Variants in CDC42BPA observed in about 807,000 individuals in gnomAD.
The protein encoded by CDC42BPA is serine/threonine-protein kinase MRCK alpha.
In CDC42BPA, 80 loss-of-function variants were observed where a neutral mutation model predicts 223.5. The observed-to-expected ratio is 0.36, with a 90% CI of 0.30 to 0.43. CDC42BPA has a LOEUF of 0.43. CDC42BPA is among the 20% of genes least tolerant of loss of function. The pLI is 1.00. For missense variants in CDC42BPA, 1,743 were observed against 2,099.9 expected, an observed-to-expected ratio of 0.83 and a Z score of 3.32; for synonymous variants, 694 against 718.6, an observed-to-expected ratio of 0.97 and a Z score of 0.55.
chr1:227,182,695 A>G (rs1668134271), intron 5 of CDC42BPA, among the ~76,000 whole-genome samples: 1 of 152,176 alleles, frequency 6.6e-6, no homozygotes, highest in African/African-American at 2.4e-5. Context: ...AAGGATGCCT[A>G]ATTGGCTGGT....
At chr1:227,118,706 G>A (rs888839256) in intron 12 of CDC42BPA, among the ~76,000 whole-genome samples, 1 of 151,930 alleles carries the variant, frequency 6.6e-6, no homozygotes, top group Non-Finnish European at 1.5e-5. Context: ...GCATAACGCC[G>A]ATTATGTTAA....
At chr1:227,217,447 C>G (rs1203938392) in intron 2 of CDC42BPA, among the ~76,000 whole-genome samples, 6 of 136,224 alleles carry the variant, frequency 4.4e-5, no homozygotes, top group East Asian at 2.1e-4. Context: ...GACTCTGTCT[C>G]AAAAAAAAAA....
intron 5 of CDC42BPA, among the ~76,000 whole-genome samples, chr1:227,185,469 T>G (rs1438031528): frequency 1.3e-5 from 2 of 152,140 alleles, no homozygotes; most frequent in African/African-American, 4.8e-5. Flanking sequence ...TGCCCCGCAT[T>G]TGCATATTAA....
chr1:227,226,306 C>T (rs544449259), intron 2 of CDC42BPA, among the ~76,000 whole-genome samples: 1 of 152,276 alleles, frequency 6.6e-6, no homozygotes, highest in South Asian at 2.1e-4. Flanking sequence ...TGGAAATCTC[C>T]AGTTTGGCTC....
intron 1 of CDC42BPA, among the ~76,000 whole-genome samples, chr1:227,261,124 C>CTTTGTTTTTTTTTTTTTT (rs386417862): frequency 8.3e-6 from 1 of 121,002 alleles, no homozygotes; most frequent in South Asian, 2.8e-4. Context: ...TTGAGTTTTT[C>CTTTGTTTTTTTTTTTTTT]TTTTTTTTTG....
chr1:227,284,583 A>C (rs954666605), intron 1 of CDC42BPA, among the ~76,000 whole-genome samples: 1 of 152,172 alleles, frequency 6.6e-6, no homozygotes, highest in African/African-American at 2.4e-5. Flanking sequence ...AGAAATACTA[A>C]GTTGGTCCCT....
At chr1:227,130,581 G>A (rs989727403) in intron 10 of CDC42BPA, among the ~76,000 whole-genome samples, 4 of 145,516 alleles carry the variant, frequency 2.7e-5, no homozygotes, top group Non-Finnish European at 4.6e-5. Flanking sequence ...AGGTGTAGGT[G>A]CGGTGGCTCA....
intron 6 of CDC42BPA, among the ~76,000 whole-genome samples, chr1:227,156,704 T>C (rs1048973826): frequency 6.6e-6 from 1 of 152,168 alleles, no homozygotes; most frequent in Non-Finnish European, 1.5e-5. Context: ...ATTCTGGAAT[T>C]TGCATTTCGA....
At chr1:227,293,827 A>G (rs578026417) in intron 1 of CDC42BPA, among the ~76,000 whole-genome samples, 1 of 152,042 alleles carries the variant, frequency 6.6e-6, no homozygotes, top group Non-Finnish European at 1.5e-5. Flanking sequence ...AACAAAATCT[A>G]TTTCACATTT....
chr1:227,105,356 CTTTTTTTT>C (rs35065841), intron 14 of CDC42BPA, among the ~76,000 whole-genome samples: 67 of 91,668 alleles, frequency 7.3e-4, no homozygotes, highest in African/African-American at 2.6e-3. Flanking sequence ...TGCCTATTCT[CTTTTTTTT>C]TTTTTTTTTT....
rs1694572865 is a variant in CDC42BPA at position 227,317,379 on chromosome 1, A to G, written c.-197T>C. ...AACTGAAGCGTCTTCAATTTCACCC[A>G]TATACATATATTTTGAGGGTAAATT... On this transcript the variant is annotated 5_prime_UTR_variant, in exon 1 of 37. It removes an upstream start codon present in the reference 5' UTR. Coordinates refer to ENST00000366766, the MANE Select transcript of CDC42BPA (RefSeq NM_001394014.1). 2.0e-6 allele frequency: 1 copy of G among 496,760 alleles called. No homozygotes were observed. The highest frequency in any genetic ancestry group is 2.0e-5 in the African/African-American group (1 of 51,134). 30.8% of individuals were successfully genotyped at this position (496,760 alleles called of 1,614,324 possible).
chr1:227,005,626 G>A (rs946596321), intron 34 of CDC42BPA, among the ~76,000 whole-genome samples: 1 of 152,172 alleles, frequency 6.6e-6, no homozygotes, highest in Non-Finnish European at 1.5e-5. Flanking sequence ...CACACCAATA[G>A]TAGTACTGGG....
At chr1:227,274,887 T>C (rs907414192) in intron 1 of CDC42BPA, among the ~76,000 whole-genome samples, 8 of 152,208 alleles carry the variant, frequency 5.3e-5, no homozygotes, top group African/African-American at 1.9e-4. Context: ...CTACACTTTA[T>C]ATACCTAACT....
At chr1:227,033,014 T>C (rs1389838224) in intron 27 of CDC42BPA, among the ~76,000 whole-genome samples, 1 of 152,188 alleles carries the variant, frequency 6.6e-6, no homozygotes, top group African/African-American at 2.4e-5. Context: ...CATTTTTATT[T>C]TTTTAAAAAC....
intron 16 of CDC42BPA, among the ~76,000 whole-genome samples, chr1:227,087,255 A>G (rs1682155021): frequency 6.6e-6 from 1 of 152,162 alleles, no homozygotes; most frequent in African/African-American, 2.4e-5. Context: ...TAAGGATCCA[A>G]GTTCATTTTT....
chr1:227,173,653 T>A (rs1666473203), intron 5 of CDC42BPA, among the ~76,000 whole-genome samples: 1 of 152,124 alleles, frequency 6.6e-6, no homozygotes, highest in African/African-American at 2.4e-5. Context: ...CTATCATATA[T>A]GTATGCTGGG....
chr1:227,045,064 CT>C (rs1333762372), intron 23 of CDC42BPA, among the ~76,000 whole-genome samples: 3 of 152,196 alleles, frequency 2.0e-5, no homozygotes, highest in Non-Finnish European at 4.4e-5. Flanking sequence ...CTATTCCAGT[CT>C]TTCTCTTAAC....
Position 227,213,204 on chromosome 1 carries a change from GT to G in CDC42BPA, c.285del (p.Lys95AsnfsTer2). 6.5e-7 allele frequency: 1 copy of G among 1,527,998 alleles called. No homozygotes were observed. The highest frequency in any genetic ancestry group is 9.0e-7 in the Non-Finnish European group (1 of 1,113,538). The allele number at this position is 1,527,998 out of a possible 1,614,324, so 94.7% of individuals were successfully genotyped here. A position where few individuals can be genotyped will look rare whatever the true frequency, so the allele number is the denominator to read the frequency against. On this transcript the variant is annotated frameshift_variant, in exon 3 of 37. Coordinates refer to ENST00000366766, the MANE Select transcript of CDC42BPA (RefSeq NM_001394014.1). LOFTEE classifies it high-confidence loss of function. ...RGAFGEVAVV[K>X]LKNADKVFAM... is the part of the protein sequence containing the mutation. ...GCAAACACTTTATCTGCATTTTTTA[GT>G]TTTACTACAGCAACCTAGAAAAGAT... is the stretch of plus-strand genomic sequence containing the variant.
chr1:227,253,592 T>C (rs1006764761), intron 2 of CDC42BPA, among the ~76,000 whole-genome samples: 1 of 122,506 alleles, frequency 8.2e-6, no homozygotes, highest in Non-Finnish European at 1.7e-5. Flanking sequence ...GGAAACTCCA[T>C]CTCAAAAATA....
Sources: gnomAD v4.1 joint callset for allele counts (sites outside exome capture counted in the v4.1 genomes callset) on GRCh38, gnomAD v4.1.1 for gene constraint, MANE v1.5 for transcripts, NCBI Gene and HGNC (gene_info 2026-07-23, HGNC 2026-07-21) for gene names.